Variants in SNX29 observed in about 807,000 individuals in gnomAD.
SNX29 encodes sorting nexin 29, also known as sorting nexin-29.
SNX29 carries 78 observed loss-of-function variants against 102.1 expected under a neutral mutation model. The ratio of observed to expected loss-of-function variants is 0.76; its 90% CI spans 0.64 to 0.92. The LOEUF (loss-of-function observed/expected upper bound fraction) is 0.92. Ranked by LOEUF, SNX29 falls within the 40% of genes least tolerant of loss-of-function variation. The probability of loss-of-function intolerance (pLI) is 0.00; values close to 1 mark genes in which losing one functional copy is unlikely to be tolerated. For missense variants in SNX29, 1,280 were observed against 1,061.7 expected (o/e 1.21, Z -2.86); for synonymous variants, 580 against 414.5 (o/e 1.40, Z -4.85).
At chr16:12,205,037 G>C (rs2077010134) in intron 14 of SNX29, among the ~76,000 whole-genome samples, 1 of 152,236 alleles carries the variant, frequency 6.6e-6, no homozygotes, top group Non-Finnish European at 1.5e-5. Flanking sequence ...CTCTGGCTGG[G>C]ATGTCAGTTT....
chr16:12,193,789 A>G (rs1011686804), intron 13 of SNX29, among the ~76,000 whole-genome samples: 1 of 152,234 alleles, frequency 6.6e-6, no homozygotes, highest in African/African-American at 2.4e-5. Flanking sequence ...CCTTCGTCAC[A>G]TTGCTTGATT....
chr16:11,987,066 T>C (rs2055657342), intron 1 of SNX29, among the ~76,000 whole-genome samples: 1 of 152,122 alleles, frequency 6.6e-6, no homozygotes, highest in South Asian at 2.1e-4. Flanking sequence ...GTTTTTTGTT[T>C]TCTGTCTTAT....
chr16:12,402,709 G>C (rs1210745787), intron 17 of SNX29, among the ~76,000 whole-genome samples: 1 of 152,210 alleles, frequency 6.6e-6, no homozygotes, highest in African/African-American at 2.4e-5. Context: ...TAAATGATTT[G>C]ACCATAGGTA....
chr16:12,021,034 C>T (rs1343494583), intron 3 of SNX29, among the ~76,000 whole-genome samples: 1 of 152,218 alleles, frequency 6.6e-6, no homozygotes, highest in African/African-American at 2.4e-5. Context: ...CAGCAGACTC[C>T]ATTCCAGCTA....
chr16:12,520,008 T>TAAA (rs201204794), intron 19 of SNX29, among the ~76,000 whole-genome samples: 5,426 of 150,560 alleles, frequency 0.036, 192 homozygotes, highest in South Asian at 0.14. Flanking sequence ...AAAATAAAAA[T>TAAA]AATAATAATA....
At chr16:12,531,020 C>T (rs2076918074) in intron 20 of SNX29, among the ~76,000 whole-genome samples, 1 of 152,234 alleles carries the variant, frequency 6.6e-6, no homozygotes, top group Non-Finnish European at 1.5e-5. Context: ...GATGGATACA[C>T]ATTTTGGCAG....
At chr16:12,471,109 T>C (rs7205659) in intron 18 of SNX29, among the ~76,000 whole-genome samples, 62,246 of 151,918 alleles carry the variant, frequency 0.41, 12,822 homozygotes, top group Middle Eastern at 0.47. Flanking sequence ...TGCTTTGGGC[T>C]AAAGACGCCC....
At chr16:12,563,664 C>A (rs2903038) in intron 20 of SNX29, among the ~76,000 whole-genome samples, 1 of 152,012 alleles carries the variant, frequency 6.6e-6, no homozygotes, top group South Asian at 2.1e-4. Flanking sequence ...CTTTTCAATT[C>A]CCCGAGAGCC....
intron 15 of SNX29, among the ~76,000 whole-genome samples, chr16:12,308,974 C>T (rs971483038): frequency 1.3e-5 from 2 of 152,152 alleles, no homozygotes; most frequent in Non-Finnish European, 2.9e-5. Flanking sequence ...ATGGGACAAA[C>T]ATAAATGGTT....
intron 8 of SNX29, among the ~76,000 whole-genome samples, chr16:12,055,771 C>A (rs1282459062): frequency 1.3e-5 from 2 of 152,200 alleles, no homozygotes; most frequent in African/African-American, 4.8e-5. Flanking sequence ...CCAGAATCTA[C>A]TGATTTAAAT....
intron 14 of SNX29, among the ~76,000 whole-genome samples, chr16:12,252,612 C>T (rs561322664): frequency 1.3e-5 from 2 of 152,362 alleles, no homozygotes; most frequent in South Asian, 4.1e-4. Context: ...TTCCCGGTTC[C>T]ATCAGTGCCC....
At chr16:12,275,890 T>G (rs1037579641) in intron 14 of SNX29, among the ~76,000 whole-genome samples, 18 of 147,786 alleles carry the variant, frequency 1.2e-4, no homozygotes, top group African/African-American at 4.3e-4. Flanking sequence ...TGTTTTTTTT[T>G]TTTTTTTTTT....
At chr16:12,090,964 A>G (rs946823287) in intron 11 of SNX29, among the ~76,000 whole-genome samples, 1 of 148,512 alleles carries the variant, frequency 6.7e-6, no homozygotes, top group Non-Finnish European at 1.5e-5. Flanking sequence ...GCAGTGAGAC[A>G]AGATCACACC....
intron 2 of SNX29, among the ~76,000 whole-genome samples, chr16:12,001,236 T>G (rs969141123): frequency 6.6e-6 from 1 of 151,992 alleles, no homozygotes; most frequent in African/African-American, 2.4e-5. Context: ...CTCAGCCTCA[T>G]GAGTAGCTGG....
intron 16 of SNX29, among the ~76,000 whole-genome samples, chr16:12,379,360 G>A (rs746818532): frequency 6.6e-6 from 1 of 152,164 alleles, no homozygotes; most frequent in African/African-American, 2.4e-5. Context: ...GGGCTTAAGC[G>A]ATCTACCTGC....
In SNX29 at chr16:12,152,123, A is replaced by AG. The variant is rs779307736; in HGVS notation, c.1595+22367dup. The stretch of plus-strand genomic sequence containing the variant: ...GTAGTCACGGCTACTTTGGAGGCTG[A>AG]GGTGGGAAGATTGCTTGGGCCCGCG... On this transcript the variant is annotated intron_variant, in intron 13 of 20. Coordinates refer to ENST00000566228, the MANE Select transcript of SNX29 (RefSeq NM_032167.5). Among the ~76,000 whole-genome samples the AG allele has an allele frequency of 2.1e-3, 318 of 152,198 alleles. 3 individuals carry two copies. The highest frequency in any genetic ancestry group is 3.8e-3 in the Non-Finnish European group (256 of 67,998).
At chr16:12,283,245 C>T (rs1234764927) in intron 15 of SNX29, among the ~76,000 whole-genome samples, 1 of 151,924 alleles carries the variant, frequency 6.6e-6, no homozygotes, top group Non-Finnish European at 1.5e-5. Flanking sequence ...AGGAGATGAG[C>T]CAAGGAAGTT....
At chr16:12,386,260 A>G (rs1171412857) in intron 16 of SNX29, among the ~76,000 whole-genome samples, 4 of 152,216 alleles carry the variant, frequency 2.6e-5, no homozygotes, top group African/African-American at 9.7e-5. Context: ...CGGCTTCCAG[A>G]TAATGATAGC....
intron 14 of SNX29, among the ~76,000 whole-genome samples, chr16:12,234,205 G>C (rs561631543): frequency 1.3e-5 from 2 of 152,188 alleles, no homozygotes; most frequent in South Asian, 4.2e-4. Flanking sequence ...CCAAACACTT[G>C]TTATTGTCTG....
Sources: gnomAD v4.1 joint callset for allele counts (sites outside exome capture counted in the v4.1 genomes callset) on GRCh38, gnomAD v4.1.1 for gene constraint, MANE v1.5 for transcripts, NCBI Gene and HGNC (gene_info 2026-07-23, HGNC 2026-07-21) for gene names.